The following EXOC6 variants were observed in gnomAD, a reference collection of about 807,000 sequenced individuals.
EXOC6 encodes SEC15-like 1.
In EXOC6, 60 loss-of-function variants were observed where a neutral mutation model predicts 112.5. That is an observed-to-expected ratio of 0.53 (90% CI 0.43 to 0.66). EXOC6 has a LOEUF of 0.66. Among genes scored for constraint, EXOC6 ranks in the 30% least tolerant of loss-of-function variants. EXOC6 has a pLI of 0.00. For missense variants in EXOC6, 855 were observed against 957.1 expected (o/e 0.89, Z 1.41); for synonymous variants, 295 against 308.0 (o/e 0.96, Z 0.44).
chr10:92,834,015 C>T (rs890950227), upstream of EXOC6, among the ~76,000 whole-genome samples: 18 of 152,110 alleles, frequency 1.2e-4, no homozygotes, highest in African/African-American at 4.3e-4. Context: ...CTAGCAAACT[C>T]ATTCACAGTG....
intron 6 of EXOC6, among the ~76,000 whole-genome samples, chr10:92,911,266 C>CTGGT (rs1169417263): frequency 2.0e-5 from 3 of 152,094 alleles, no homozygotes; most frequent in Non-Finnish European, 4.4e-5. Flanking sequence ...GTCTTTCTTA[C>CTGGT]TGGTTGTCTC....
intron 20 of EXOC6, 32 bp downstream of exon 20, chr10:93,014,299 G>T: frequency 2.6e-6 from 4 of 1,540,642 alleles, no homozygotes; most frequent in South Asian, 2.3e-5. Flanking sequence ...CCCATTTGTT[G>T]CCCTCTAACT....
rs184037375 is a variant in EXOC6 at position 93,034,037 on chromosome 10, A to G, written c.2169+19770A>G. Among the ~76,000 whole-genome samples, 133 of 152,358 alleles carry G rather than the reference A, an allele frequency of 8.7e-4. 6 individuals carry two copies. The East Asian group carries it at 0.017, about 20-fold the overall frequency. Reference sequence around the variant, plus strand: ...TAATAACTACTGCATGACTTTGGAAACTGTTTCCTGAACTATTTCAACTAT... The same window carrying G: ...TAATAACTACTGCATGACTTTGGAAGCTGTTTCCTGAACTATTTCAACTAT... On this transcript the variant is annotated intron_variant, in intron 20 of 21. Transcript: ENST00000260762.
At chr10:92,996,089 T>TA (rs527238019) in intron 18 of EXOC6, among the ~76,000 whole-genome samples, 129 of 152,320 alleles carry the variant, frequency 8.5e-4, no homozygotes, top group Admixed American at 5.9e-3. Flanking sequence ...TTTCTGGCCT[T>TA]TGAGATAAGT....
chr10:93,044,271 T>C (rs910458476), intron 20 of EXOC6, among the ~76,000 whole-genome samples: 3 of 152,192 alleles, frequency 2.0e-5, no homozygotes, highest in African/African-American at 7.2e-5. Context: ...GGTCTGGAAG[T>C]AAATGGATAA....
At chr10:92,851,837 G>A (rs1847360825) in intron 1 of EXOC6, among the ~76,000 whole-genome samples, 1 of 152,258 alleles carries the variant, frequency 6.6e-6, no homozygotes, top group East Asian at 1.9e-4. Context: ...TTGGGAGGCT[G>A]AAGCAGGAGG....
chr10:92,911,950 T>C (rs1400507860), intron 6 of EXOC6, among the ~76,000 whole-genome samples: 2 of 148,114 alleles, frequency 1.4e-5, no homozygotes, highest in Non-Finnish European at 3.0e-5. Context: ...TGTGTGTGTG[T>C]GTGTGTGTGT....
chr10:92,852,423 A>G (rs1375550820), intron 1 of EXOC6, among the ~76,000 whole-genome samples: 1 of 151,080 alleles, frequency 6.6e-6, no homozygotes, highest in African/African-American at 2.4e-5. Context: ...TAACTAGAAA[A>G]GGAAACTAAA....
intron 20 of EXOC6, among the ~76,000 whole-genome samples, chr10:93,039,707 C>T (rs908101756): frequency 6.6e-6 from 1 of 152,166 alleles, no homozygotes; most frequent in Non-Finnish European, 1.5e-5. Flanking sequence ...TTACTCTACT[C>T]CTTCTCACCT....
intron 20 of EXOC6, among the ~76,000 whole-genome samples, chr10:93,037,897 G>A (rs1325850235): frequency 2.7e-5 from 4 of 150,680 alleles, no homozygotes; most frequent in Admixed American, 2.0e-4. Flanking sequence ...AAAATTAGCC[G>A]GGCGCGGTGG....
intron 8 of EXOC6, among the ~76,000 whole-genome samples, chr10:92,923,834 G>A (rs1304316417): frequency 6.6e-6 from 1 of 152,094 alleles, no homozygotes; most frequent in Admixed American, 6.5e-5. Context: ...AGGCTACCAC[G>A]TTTACTTTAT....
At chr10:93,020,583 C>A (rs1844739064) in intron 20 of EXOC6, among the ~76,000 whole-genome samples, 1 of 152,068 alleles carries the variant, frequency 6.6e-6, no homozygotes, top group African/African-American at 2.4e-5. Flanking sequence ...TTCGAGGGCC[C>A]ATCTGCAATG....
At chr10:92,947,727 G>A (rs754529341) in intron 13 of EXOC6, among the ~76,000 whole-genome samples, 4 of 152,128 alleles carry the variant, frequency 2.6e-5, no homozygotes, top group African/African-American at 4.8e-5. Context: ...GGCTAACACG[G>A]TGAAACCCCT....
intron 8 of EXOC6, among the ~76,000 whole-genome samples, chr10:92,923,679 C>T (rs76452353): frequency 8.3e-4 from 127 of 152,298 alleles, no homozygotes; most frequent in African/African-American, 3.0e-3. Flanking sequence ...AGCCATCATT[C>T]CTTTTATAAC....
At chr10:92,886,201 C>G (rs1849206415) in intron 1 of EXOC6, among the ~76,000 whole-genome samples, 1 of 152,178 alleles carries the variant, frequency 6.6e-6, no homozygotes, top group Non-Finnish European at 1.5e-5. Flanking sequence ...CATTTCCTTT[C>G]TGTTCCTACA....
chr10:92,883,556 A>G (rs1032023004), intron 1 of EXOC6, among the ~76,000 whole-genome samples: 4 of 152,196 alleles, frequency 2.6e-5, no homozygotes, highest in African/African-American at 4.8e-5. Flanking sequence ...TCTTACTAAT[A>G]TGAAATACCA....
chr10:92,915,753 A>G lies in EXOC6; in HGVS notation c.664-5A>G, dbSNP rs141215729. The G allele has an allele frequency of 7.3e-6, 11 of 1,513,192 alleles. 1 individual carries two copies. In the South Asian group the frequency reaches 1.5e-4, roughly 21 times the overall value. 93.7% of individuals were successfully genotyped at this position (1,513,192 alleles called of 1,614,324 possible). A position where few individuals can be genotyped will look rare whatever the true frequency, so the allele number is the denominator to read the frequency against. On this transcript the variant is annotated splice_region_variant and splice_polypyrimidine_tract_variant and intron_variant, in intron 6 of 21. Transcript: ENST00000260762. Reference sequence around the variant, plus strand: ...ATAATCTGAATTTCTCTCTCTTCAAAATAGGCACAGCATCAGAAAACCTTC... The same window carrying G: ...ATAATCTGAATTTCTCTCTCTTCAAGATAGGCACAGCATCAGAAAACCTTC...
chr10:93,043,997 G>T (rs901262693), intron 20 of EXOC6, among the ~76,000 whole-genome samples: 5 of 152,154 alleles, frequency 3.3e-5, no homozygotes, highest in Non-Finnish European at 7.3e-5. Context: ...TCTCTGTTTC[G>T]TTGTCTCAGA....
intron 6 of EXOC6, among the ~76,000 whole-genome samples, chr10:92,911,583 A>G (rs1443165039): frequency 6.6e-6 from 1 of 152,192 alleles, no homozygotes; most frequent in Non-Finnish European, 1.5e-5. Context: ...CATGGGCCCT[A>G]GGATTTAAGA....
Sources: gnomAD v4.1 joint callset for allele counts (sites outside exome capture counted in the v4.1 genomes callset) on GRCh38, gnomAD v4.1.1 for gene constraint, MANE v1.5 for transcripts, NCBI Gene and HGNC (gene_info 2026-07-23, HGNC 2026-07-21) for gene names.